The following KCNJ9 variants were observed in gnomAD, a reference collection of about 807,000 sequenced individuals.
KCNJ9 encodes the protein potassium inwardly rectifying channel subfamily J member 9.
A neutral mutation model predicts 27.9 loss-of-function variants in KCNJ9; 18 were observed. The observed-to-expected ratio is 0.65, with a 90% CI of 0.45 to 0.96. The LOEUF is 0.96. Among genes scored for constraint, KCNJ9 ranks in the 40% least tolerant of loss-of-function variants. KCNJ9 has a pLI of 0.00. For synonymous variants in KCNJ9, 229 were observed against 248.2 expected, an observed-to-expected ratio of 0.92 and a Z score of 0.73; for missense variants, 324 against 557.5, an observed-to-expected ratio of 0.58 and a Z score of 4.22.
rs758146605 is a variant in KCNJ9 at position 160,084,695 on chromosome 1, C to G, written c.665C>G (p.Pro222Arg). ...CAGACGCTGGAGGGCGAGTTCATCC[C>G]GCTGCACCAGACCGACCTCAGCGTG... is the stretch of plus-strand genomic sequence containing the variant. ...SRQTLEGEFI[P>R]LHQTDLSVGF... Residue 222 changes from proline (P) to arginine (R), a missense_variant, in exon 2 of 3, where the codon CCG becomes CGG. This residue lies in a region of KCNJ9 where 241 missense variants were observed against 481.7 expected (regional missense o/e 0.50). Transcript: ENST00000368088. 6.3e-7 allele frequency: 1 copy of G among 1,592,584 alleles called. No homozygotes were observed. Among genetic ancestry groups the G allele is most frequent in the Non-Finnish European group, 8.6e-7 (1 of 1,169,352 alleles).
chr1:160,089,789 C>G lies in KCNJ9; in HGVS notation c.*1972C>G, dbSNP rs1649861427. Reference sequence around the variant, plus strand: ...AAAGCATAGGCCCAGGAGAGCCTGCCCTGGGACAGCGCCTGTCTCCCACAC... The same window carrying G: ...AAAGCATAGGCCCAGGAGAGCCTGCGCTGGGACAGCGCCTGTCTCCCACAC... On this transcript the variant is annotated 3_prime_UTR_variant, in exon 3 of 3. Coordinates refer to ENST00000368088, the MANE Select transcript of KCNJ9 (RefSeq NM_004983.3). 1 of 152,342 alleles carries G rather than the reference C, an allele frequency of 6.6e-6. No homozygotes were observed. The highest frequency in any genetic ancestry group is 2.4e-5 in the African/African-American group (1 of 41,436). The allele number at this position is 152,342 out of a possible 1,614,324, so 9.4% of individuals were successfully genotyped here. A position where few individuals can be genotyped will look rare whatever the true frequency, so the allele number is the denominator to read the frequency against.
In KCNJ9 at chr1:160,084,438, C is replaced by A; in HGVS notation, c.408C>A (p.Ile136=). ...TCACCGACCAGTGCCCCGAGGGCAT[C>A]GTGCTGCTGCTGCTGCAGGCCATCC... The part of the protein sequence containing the change: ...RVITDQCPEG[I]VLLLLQAILG... Residue 136 remains isoleucine, a synonymous_variant, in exon 2 of 3, where the codon ATC becomes ATA. Coordinates refer to ENST00000368088, the MANE Select transcript of KCNJ9 (RefSeq NM_004983.3). The A allele has an allele frequency of 6.2e-7, 1 of 1,613,660 alleles. No homozygotes were observed. Among genetic ancestry groups the A allele is most frequent in the East Asian group, 2.2e-5 (1 of 44,870 alleles).
intron 2 of KCNJ9, among the ~76,000 whole-genome samples, chr1:160,085,464 G>A (rs1052781333): frequency 2.0e-5 from 3 of 152,194 alleles, no homozygotes; most frequent in Non-Finnish European, 4.4e-5. Context: ...GGAATTTGAC[G>A]GTGAAGGTTT....
chr1:160,084,004 C>T lies in KCNJ9; in HGVS notation c.-27C>T. 1.5e-6 allele frequency: 2 copies of T among 1,292,430 alleles called. No homozygotes were observed. The highest frequency in any genetic ancestry group is 9.7e-7 in the Non-Finnish European group (1 of 1,026,750). The allele number at this position is 1,292,430 out of a possible 1,614,324, so 80.1% of individuals were successfully genotyped here. A position where few individuals can be genotyped will look rare whatever the true frequency, so the allele number is the denominator to read the frequency against. On this transcript the variant is annotated 5_prime_UTR_variant, in exon 2 of 3. Coordinates refer to ENST00000368088, the MANE Select transcript of KCNJ9 (RefSeq NM_004983.3). Reference sequence around the variant, plus strand: ...GGGCCCCCGCCGCACTCCAGGCGCCCGCAGCGCTCGCCCTGACGCGGCCGC... The same window carrying T: ...GGGCCCCCGCCGCACTCCAGGCGCCTGCAGCGCTCGCCCTGACGCGGCCGC...
intron 2 of KCNJ9, among the ~76,000 whole-genome samples, chr1:160,086,415 G>C (rs1649777642): frequency 6.6e-6 from 1 of 152,170 alleles, no homozygotes; most frequent in African/African-American, 2.4e-5. Context: ...GAGGAGATGA[G>C]GATAGGAATC....
chr1:160,082,122 G>A lies in KCNJ9; in HGVS notation c.-115+425G>A, dbSNP rs543366006. Among the ~76,000 whole-genome samples, 213 of 152,326 alleles carry A rather than the reference G, an allele frequency of 1.4e-3. 1 individual carries two copies. Among genetic ancestry groups the A allele is most frequent in the Admixed American group, 3.3e-3 (50 of 15,308 alleles). ...AGTGAGAGAGTTCTGGGGGTGATCC[G>A]ACATCGGGGTTCCTTCCCCATCCCT... On this transcript the variant is annotated intron_variant, in intron 1 of 2. Transcript: ENST00000368088.
chr1:160,084,674 C>A lies in KCNJ9; in HGVS notation c.644C>A (p.Thr215Lys). Residue 215 changes from threonine (T) to lysine (K), a missense_variant, in exon 2 of 3, where the codon ACG (threonine) becomes AAG (lysine). Thr to Lys is a moderately conservative substitution (Grantham distance 78, BLOSUM62 -1). Around this residue, in one of 3 missense-constraint regions of KCNJ9, gnomAD observed 241 missense variants for 481.7 expected, o/e 0.50. Coordinates refer to ENST00000368088, the MANE Select transcript of KCNJ9 (RefSeq NM_004983.3). The part of the protein sequence containing the change: ...IRAKLIRSRQ[T>K]LEGEFIPLHQ... ...GCCAAGCTCATCCGCTCGCGCCAGA[C>A]GCTGGAGGGCGAGTTCATCCCGCTG... The A allele has an allele frequency of 6.3e-7, 1 of 1,592,988 alleles. No individual in the cohort carries two copies. The highest frequency in any genetic ancestry group is 8.5e-7 in the Non-Finnish European group (1 of 1,169,824).
At chr1:160,085,500 C>T (rs1206183023) in intron 2 of KCNJ9, among the ~76,000 whole-genome samples, 2 of 152,250 alleles carry the variant, frequency 1.3e-5, no homozygotes, top group Middle Eastern at 3.4e-3. Context: ...ATTTCTAGGC[C>T]GGATCTTGAG....
chr1:160,084,528 G>A lies in KCNJ9; in HGVS notation c.498G>A (p.Lys166=). The A allele has an allele frequency of 1.2e-6, 2 of 1,612,792 alleles. No homozygotes were observed. The highest frequency in any genetic ancestry group is 1.7e-6 in the Non-Finnish European group (2 of 1,179,584). The change falls in exon 2 of 3, where the codon AAG becomes AAA. Residue 166 remains lysine, a synonymous_variant. Coordinates refer to ENST00000368088, the MANE Select transcript of KCNJ9 (RefSeq NM_004983.3). ...TCGTCAAGATCTCGCAGCCCAACAA[G>A]CGCGCAGCCACGCTCGTCTTCTCCT... ...CMFVKISQPN[K]RAATLVFSSH... is the part of the protein sequence containing the mutation.
Position 160,088,347 on chromosome 1 carries a change from G to C in KCNJ9, c.*530G>C, listed in dbSNP as rs1410858037. ...TCTTCTGCCAGCCTCCCCACATATGGCACAACTGTCTAATGACACGGTAGG... is the reference window on the plus strand; with the variant it reads ...TCTTCTGCCAGCCTCCCCACATATGCCACAACTGTCTAATGACACGGTAGG... On this transcript the variant is annotated 3_prime_UTR_variant, in exon 3 of 3. Coordinates refer to ENST00000368088, the MANE Select transcript of KCNJ9 (RefSeq NM_004983.3). The C allele has an allele frequency of 6.6e-6, 1 of 152,440 alleles. No individual in the cohort carries two copies. The highest frequency in any genetic ancestry group is 1.5e-5 in the Non-Finnish European group (1 of 68,302). The allele number at this position is 152,440 out of a possible 1,614,324, so 9.4% of individuals were successfully genotyped here.
chr1:160,087,269 A>G (rs1352063975), intron 2 of KCNJ9, among the ~76,000 whole-genome samples: 2 of 152,112 alleles, frequency 1.3e-5, no homozygotes, highest in Non-Finnish European at 2.9e-5. Context: ...GGGAAAAAAG[A>G]GCTGGACATT....
chr1:160,086,016 A>C (rs902478075), intron 2 of KCNJ9, among the ~76,000 whole-genome samples: 2 of 150,336 alleles, frequency 1.3e-5, no homozygotes. Flanking sequence ...TCCAGCTGTC[A>C]CTCCTTTTCT....
intron 2 of KCNJ9, among the ~76,000 whole-genome samples, chr1:160,085,960 C>T (rs1055474014): frequency 2.6e-5 from 4 of 152,164 alleles, no homozygotes; most frequent in African/African-American, 4.8e-5. Context: ...TGCTTCACCC[C>T]GACTCTTTCC....
In KCNJ9 at chr1:160,084,691, A is replaced by T. The variant is rs1649744950; in HGVS notation, c.661A>T (p.Ile221Phe). The T allele has an allele frequency of 6.3e-7, 1 of 1,592,792 alleles. No homozygotes were observed. The highest frequency in any genetic ancestry group is 8.6e-7 in the Non-Finnish European group (1 of 1,169,516). Residue 221 changes from isoleucine (I) to phenylalanine (F), a missense_variant, in exon 2 of 3, where the codon ATC becomes TTC. Transcript: ENST00000368088. The part of the protein sequence containing the change: ...RSRQTLEGEF[I>F]PLHQTDLSVG... ...GCGCCAGACGCTGGAGGGCGAGTTC[A>T]TCCCGCTGCACCAGACCGACCTCAG...
chr1:160,085,459 T>C (rs1195060369), intron 2 of KCNJ9, among the ~76,000 whole-genome samples: 1 of 152,212 alleles, frequency 6.6e-6, no homozygotes, highest in African/African-American at 2.4e-5. Context: ...CCCCTGGAAT[T>C]TGACGGTGAA....
chr1:160,086,760 G>A (rs1649784369), intron 2 of KCNJ9, among the ~76,000 whole-genome samples: 2 of 152,154 alleles, frequency 1.3e-5, no homozygotes, highest in South Asian at 2.1e-4. Context: ...GAGATGGTGC[G>A]CGCTCTCTTA....
intron 2 of KCNJ9, among the ~76,000 whole-genome samples, chr1:160,086,571 C>T (rs1407641590): frequency 1.3e-5 from 2 of 152,172 alleles, no homozygotes; most frequent in African/African-American, 2.4e-5. Context: ...TAAAATTCTA[C>T]ATTTAGGCTT....
chr1:160,083,873 C>T, intron 1 of KCNJ9, 44 bp from the exon 2 acceptor site: 1 of 561,488 alleles, frequency 1.8e-6, no homozygotes, highest in African/African-American at 2.0e-5. Flanking sequence ...CCCCGTGCCT[C>T]CCCATCTCCC....
Position 160,084,558 on chromosome 1 carries a change from C to T in KCNJ9, c.528C>T (p.His176=), listed in dbSNP as rs745632648. Residue 176 remains histidine, a synonymous_variant, in exon 2 of 3, where the codon CAC becomes CAT. Transcript: ENST00000368088. ...CAGCCACGCTCGTCTTCTCCTCGCACGCCGTGGTGTCGCTGCGCGACGGGC... is the reference window on the plus strand; with the variant it reads ...CAGCCACGCTCGTCTTCTCCTCGCATGCCGTGGTGTCGCTGCGCGACGGGC... The part of the protein sequence containing the change: ...KRAATLVFSS[H]AVVSLRDGRL... The T allele has an allele frequency of 9.9e-6, 16 of 1,611,440 alleles. No homozygotes were observed. The highest frequency in any genetic ancestry group is 1.3e-5 in the African/African-American group (1 of 74,916).
Sources: gnomAD v4.1 joint callset for allele counts (sites outside exome capture counted in the v4.1 genomes callset) on GRCh38, gnomAD v4.1.1 for gene constraint, gnomAD v4.1.1 regional missense constraint, MANE v1.5 for transcripts, NCBI Gene and HGNC (gene_info 2026-07-23, HGNC 2026-07-21) for gene names.